The following TIAM2 variants were observed in gnomAD, a reference collection of about 807,000 sequenced individuals.
TIAM2 encodes TIAM Rac1 associated GEF 2.
In TIAM2, 80 loss-of-function variants were observed where a neutral mutation model predicts 152.9. That is an observed-to-expected ratio of 0.52 (90% CI 0.44 to 0.63). The LOEUF (loss-of-function observed/expected upper bound fraction) is 0.63, where lower values mean the gene tolerates loss of function less well. Ranked by LOEUF, TIAM2 falls within the 30% of genes least tolerant of loss-of-function variation. The pLI is 0.00. For missense variants in TIAM2, 1,965 were observed against 2,120.1 expected (o/e 0.93, Z 1.44); for synonymous variants, 804 against 838.0 (o/e 0.96, Z 0.70).
chr6:155,202,823 A>C (rs1418390373), intron 14 of TIAM2, among the ~76,000 whole-genome samples: 1 of 146,892 alleles, frequency 6.8e-6, no homozygotes, highest in Non-Finnish European at 1.5e-5. Flanking sequence ...GGATCACTCG[A>C]GGTTAGGAGT....
At chr6:155,175,288 T>C (rs1780732706) in intron 9 of TIAM2, among the ~76,000 whole-genome samples, 1 of 152,250 alleles carries the variant, frequency 6.6e-6, no homozygotes, top group African/African-American at 2.4e-5. Context: ...GACAGATTTT[T>C]CCCTTGCTTT....
intron 1 of TIAM2, among the ~76,000 whole-genome samples, chr6:155,069,443 G>T (rs1777784283): frequency 7.2e-6 from 1 of 138,324 alleles, no homozygotes; most frequent in Non-Finnish European, 1.7e-5. Flanking sequence ...CAAGCTGAAT[G>T]AAAGAACGAC....
At chr6:155,032,554 T>C (rs889469759) in intron 1 of TIAM2, among the ~76,000 whole-genome samples, 1 of 152,142 alleles carries the variant, frequency 6.6e-6, no homozygotes, top group African/African-American at 2.4e-5. Flanking sequence ...GTTTTTTTCT[T>C]TTTTGAGACA....
At position 155,240,597 on chromosome 6, in the gene TIAM2, C is replaced by T. The variant is rs570548899; in HGVS notation, c.3236C>T (p.Pro1079Leu). The change falls in exon 16 of 27, where the codon CCG becomes CTG. Residue 1079 changes from proline to leucine, a missense_variant. Pro to Leu is a moderately conservative substitution (Grantham distance 98, BLOSUM62 -3). Coordinates refer to ENST00000682666, the MANE Select transcript of TIAM2 (RefSeq NM_012454.4). ...AGTCAGGCCAACGGCATGGAAGGACCGCGGGAGAATCAGGATCCTCCTCCG... is the reference window on the plus strand; with the variant it reads ...AGTCAGGCCAACGGCATGGAAGGACTGCGGGAGAATCAGGATCCTCCTCCG... ...NDSQANGMEG[P>L]RENQDPPPRS... 6.8e-6 allele frequency: 11 copies of T among 1,614,128 alleles called. No individual in the cohort carries two copies. Among genetic ancestry groups the T allele is most frequent in the Middle Eastern group, 1.6e-4 (1 of 6,062 alleles).
At chr6:155,081,802 G>GT (rs1044340509) in intron 1 of TIAM2, among the ~76,000 whole-genome samples, 45 of 151,990 alleles carry the variant, frequency 3.0e-4, no homozygotes, top group African/African-American at 9.4e-4. Flanking sequence ...TAAATCTCTC[G>GT]TTTTTTTTAC....
intron 15 of TIAM2, among the ~76,000 whole-genome samples, chr6:155,230,896 C>T (rs566826124): frequency 1.1e-4 from 17 of 149,376 alleles, no homozygotes; most frequent in East Asian, 4.0e-4. Context: ...TACAGTGGAA[C>T]GATCTTGGCT....
chr6:155,198,967 C>T (rs1206076214), intron 14 of TIAM2, among the ~76,000 whole-genome samples: 1 of 152,072 alleles, frequency 6.6e-6, no homozygotes, highest in Non-Finnish European at 1.5e-5. Flanking sequence ...TGCTGGCTCA[C>T]GTCTGTGCTG....
chr6:155,059,294 C>CTGTG (rs56013145), intron 1 of TIAM2, among the ~76,000 whole-genome samples: 5,553 of 117,202 alleles, frequency 0.047, 212 homozygotes, highest in Admixed American at 0.16. Context: ...GTGTGTGTGT[C>CTGTG]TGTGTGTGTG....
Position 155,256,467 on chromosome 6 carries a change from T to A in TIAM2, c.4469-17T>A. The A allele has an allele frequency of 6.2e-7, 1 of 1,614,060 alleles. No homozygotes were observed. On this transcript the variant is annotated splice_polypyrimidine_tract_variant and intron_variant, in intron 26 of 26. Coordinates refer to ENST00000682666, the MANE Select transcript of TIAM2 (RefSeq NM_012454.4). ...CCTGTTTCTGTATCACAGCGAAATG[T>A]GTTTTTCTCACTGTAGCTTCATCCA...
chr6:155,120,387 A>G (rs79577243), intron 2 of TIAM2, among the ~76,000 whole-genome samples: 4,107 of 152,252 alleles, frequency 0.027, 184 homozygotes, highest in African/African-American at 0.094. Flanking sequence ...CTTCCTAAGC[A>G]TTATTCCTAT....
intron 15 of TIAM2, among the ~76,000 whole-genome samples, chr6:155,222,628 AACAC>A (rs1782094928): frequency 2.3e-5 from 2 of 85,638 alleles, no homozygotes; most frequent in Non-Finnish European, 2.6e-5. Flanking sequence ...AAAAAAAAAA[AACAC>A]AAAAAAAACC....
chr6:155,254,790 G>T, intron 26 of TIAM2: 1 of 548,300 alleles, frequency 1.8e-6, no homozygotes, highest in Non-Finnish European at 3.2e-6. Context: ...CCTACCCGCT[G>T]ACATAGTCCA....
In TIAM2 at chr6:155,130,009, G is replaced by A; in HGVS notation, c.786G>A (p.Glu262=). 6.2e-7 allele frequency: 1 copy of A among 1,614,128 alleles called. No homozygotes were observed. The highest frequency in any genetic ancestry group is 1.1e-5 in the South Asian group (1 of 91,090). Residue 262 remains glutamate, a synonymous_variant, in exon 4 of 27, where the codon GAG becomes GAA. Transcript: ENST00000682666. ...SPWGNAGELS[E]AEGSFLAPGM... ...GGGGCAATGCTGGAGAGCTGAGCGAGGCTGAGGGCTCCTTCCTGGCCCCCG... is the reference window on the plus strand; with the variant it reads ...GGGGCAATGCTGGAGAGCTGAGCGAAGCTGAGGGCTCCTTCCTGGCCCCCG...
In TIAM2 at chr6:155,244,956, T is replaced by C. The variant is rs888467556; in HGVS notation, c.3543+173T>C. The C allele has an allele frequency of 2.7e-5, 23 of 843,148 alleles. No individual in the cohort carries two copies. In the African/African-American group the frequency reaches 3.2e-4, roughly 12 times the overall value. 52.2% of individuals were successfully genotyped at this position (843,148 alleles called of 1,614,324 possible). On this transcript the variant is annotated intron_variant, in intron 18 of 26. Coordinates refer to ENST00000682666, the MANE Select transcript of TIAM2 (RefSeq NM_012454.4). Reference sequence around the variant, plus strand: ...TCTGTCAGGTGGTAAAGGAAGGCTGTATATATTTTTTTTTCCTGGCGCAGG... The same window carrying C: ...TCTGTCAGGTGGTAAAGGAAGGCTGCATATATTTTTTTTTCCTGGCGCAGG...
intron 11 of TIAM2, 94 bp downstream of exon 11, chr6:155,179,237 A>G: frequency 2.1e-6 from 3 of 1,451,672 alleles, no homozygotes; most frequent in Non-Finnish European, 2.9e-6. Flanking sequence ...TTCTGTTTAA[A>G]TTTGGCGTCT....
At chr6:155,065,543 G>A (rs889708586) in intron 1 of TIAM2, among the ~76,000 whole-genome samples, 5 of 151,866 alleles carry the variant, frequency 3.3e-5, no homozygotes, top group African/African-American at 1.2e-4. Flanking sequence ...TTTGGGAGGC[G>A]GAGGTGGGTG....
intron 1 of TIAM2, among the ~76,000 whole-genome samples, chr6:155,015,905 C>G (rs1265062224): frequency 1.5e-5 from 2 of 137,378 alleles, no homozygotes; most frequent in Non-Finnish European, 3.1e-5. Context: ...CCACTACACT[C>G]TAGCCTGGGC....
chr6:155,081,290 T>C (rs1394075664), intron 1 of TIAM2, among the ~76,000 whole-genome samples: 2 of 152,022 alleles, frequency 1.3e-5, no homozygotes, highest in African/African-American at 2.4e-5. Flanking sequence ...TCTTCCTTCA[T>C]TGATTCACTC....
At chr6:155,245,282 T>C (rs767172646) in intron 18 of TIAM2, among the ~76,000 whole-genome samples, 14 of 152,170 alleles carry the variant, frequency 9.2e-5, no homozygotes, top group Non-Finnish European at 2.1e-4. Context: ...ACAGCATCAC[T>C]CTCCCCAAGC....
Sources: allele counts gnomAD v4.1 joint callset (sites outside exome capture counted in the v4.1 genomes callset), GRCh38; gene constraint gnomAD v4.1.1; transcripts MANE v1.5; gene names NCBI Gene and HGNC (gene_info 2026-07-23, HGNC 2026-07-21).